DYNC2H1: variants seen among roughly 807,000 people sequenced by gnomAD.
DYNC2H1 encodes the protein dynein cytoplasmic 2 heavy chain 1.
Under a neutral mutation model 570.0 loss-of-function variants are expected in DYNC2H1, and 410 were observed. That is an observed-to-expected ratio of 0.72 (90% confidence interval 0.66 to 0.78). The LOEUF (loss-of-function observed/expected upper bound fraction) is 0.78. Ranked by LOEUF, DYNC2H1 falls within the 30% of genes least tolerant of loss-of-function variation. DYNC2H1 has a pLI of 0.00. For missense variants in DYNC2H1, 4,865 were observed against 5,046.4 expected, an observed-to-expected ratio of 0.96 and a Z score of 1.09; for synonymous variants, 1,688 against 1,677.6, an observed-to-expected ratio of 1.01 and a Z score of -0.15.
intron 81 of DYNC2H1, 92 bp downstream of exon 81, chr11:103,321,329 C>T: frequency 8.6e-7 from 1 of 1,159,632 alleles, no homozygotes; most frequent in Non-Finnish European, 1.3e-6. Flanking sequence ...TTTTCAAATG[C>T]ACAAGTAATT....
chr11:103,287,115 C>G (rs7104199), intron 74 of DYNC2H1, among the ~76,000 whole-genome samples: 25,248 of 152,012 alleles, frequency 0.17, 2,266 homozygotes, highest in Admixed American at 0.25. Context: ...GCACTCCAGC[C>G]TGGGTGACAG....
rs1222780004 is a variant in DYNC2H1, at chr11:103,403,483, TTAC to T, written c.12366+3612_12366+3614del. ...CTTAAAAGGTTAAAGCTAAGTAGCTTTACAGTGATATTATAGTGTGGTTGTGGA... is the reference window on the plus strand; with the variant it reads ...CTTAAAAGGTTAAAGCTAAGTAGCTTAGTGATATTATAGTGTGGTTGTGGA... On this transcript the variant is annotated intron_variant, in intron 84 of 88. Transcript: ENST00000375735. The T allele has an allele frequency of 2.6e-5, 4 of 152,170 alleles. No individual in the cohort carries two copies. The East Asian group carries it at 7.8e-4, about 29-fold the overall frequency. The allele number at this position is 152,170 out of a possible 1,614,324, so 9.4% of individuals were successfully genotyped here.
At chr11:103,336,523 T>C (rs1591596590) in intron 82 of DYNC2H1, among the ~76,000 whole-genome samples, 2 of 152,282 alleles carry the variant, frequency 1.3e-5, no homozygotes, top group East Asian at 3.9e-4. Context: ...AGATCAACTT[T>C]TTTAGCTCCC....
In DYNC2H1 at chr11:103,275,752, C is replaced by G. The variant is rs1436116610; in HGVS notation, c.10696-4596C>G. Among the ~76,000 whole-genome samples the G allele has an allele frequency of 6.6e-6, 1 of 152,086 alleles. No individual in the cohort carries two copies. Among genetic ancestry groups the G allele is most frequent in the South Asian group, 2.1e-4 (1 of 4,800 alleles). Reference sequence around the variant, plus strand: ...TTTATCTGGAGGACCACAGTTTATCCATTCGGCATCTACTGAAGGAAATCT... The same window carrying G: ...TTTATCTGGAGGACCACAGTTTATCGATTCGGCATCTACTGAAGGAAATCT... On this transcript the variant is annotated intron_variant, in intron 70 of 88. Coordinates refer to ENST00000375735, the MANE Select transcript of DYNC2H1 (RefSeq NM_001377.3). The surrounding 1 kb of genome is among the most constrained non-coding windows in gnomAD (Gnocchi z 4.8).
rs564339390 is a variant in DYNC2H1 at position 103,167,591 on chromosome 11, G to A, written c.4763-1164G>A. On this transcript the variant is annotated intron_variant, in intron 31 of 88. Coordinates refer to ENST00000375735, the MANE Select transcript of DYNC2H1 (RefSeq NM_001377.3). ...CAATAATAGTACTTTAAAGTCTTTT[G>A]CAGATAACCTCAACAGGTATGTCAT... Among the ~76,000 whole-genome samples, 126 of 152,138 alleles carry A rather than the reference G, an allele frequency of 8.3e-4. 1 individual carries two copies. The highest frequency in any genetic ancestry group is 6.8e-3 in the Middle Eastern group (2 of 294).
intron 54 of DYNC2H1, among the ~76,000 whole-genome samples, chr11:103,212,472 A>T (rs1863195172): frequency 6.6e-6 from 1 of 152,106 alleles, no homozygotes; most frequent in Admixed American, 6.6e-5. Flanking sequence ...AAGAAAAAAG[A>T]AAACCCTGTT....
intron 75 of DYNC2H1, 105 bp from the exon 76 acceptor site, chr11:103,302,988 C>A: frequency 4.8e-6 from 4 of 834,320 alleles, no homozygotes; most frequent in Non-Finnish European, 6.5e-6. Context: ...TATGAGATTA[C>A]AACTCACCTG....
In DYNC2H1 at chr11:103,369,071, A is replaced by G. The variant is rs1941037034; in HGVS notation, c.12156+10712A>G. Among the ~76,000 whole-genome samples, 1 of 152,114 alleles carries G rather than the reference A, an allele frequency of 6.6e-6. No individual in the cohort carries two copies. Among genetic ancestry groups the G allele is most frequent in the East Asian group, 1.9e-4 (1 of 5,184 alleles). On this transcript the variant is annotated intron_variant, in intron 83 of 88. Transcript: ENST00000375735. The surrounding 1 kb of genome is among the most constrained non-coding windows in gnomAD (Gnocchi z 4.0). ...CTTATTGCTGAAAGAGGCATTGAAG[A>G]GGTAGGAAAAACAGTTTTGAATTGC... is the stretch of plus-strand genomic sequence containing the variant.
intron 13 of DYNC2H1, among the ~76,000 whole-genome samples, chr11:103,132,557 A>G (rs906051734): frequency 2.0e-5 from 3 of 151,702 alleles, no homozygotes; most frequent in Admixed American, 1.3e-4. Context: ...TTTCCCTTAT[A>G]TTCTGGTCAT....
At chr11:103,219,617 A>C (rs558231285) in intron 55 of DYNC2H1, among the ~76,000 whole-genome samples, 86 of 152,316 alleles carry the variant, frequency 5.6e-4, no homozygotes, top group Non-Finnish European at 1.1e-3. Context: ...CATCTCAAAA[A>C]AAATTAAAAA....
At position 103,178,697 on chromosome 11, in the gene DYNC2H1, T is replaced by A. The variant is rs377138004; in HGVS notation, c.6140-329T>A. On this transcript the variant is annotated intron_variant, in intron 38 of 88. Coordinates refer to ENST00000375735, the MANE Select transcript of DYNC2H1 (RefSeq NM_001377.3). ...AACTGGAAATTGGATTTTCTGTAGT[T>A]TCTAAAAGATATACAACAGAGCAAG... Among the ~76,000 whole-genome samples the A allele has an allele frequency of 3.3e-4, 50 of 152,186 alleles. 1 individual carries two copies. The East Asian group carries it at 8.9e-3, about 27-fold the overall frequency.
At chr11:103,198,558 G>T (rs1862591970) in intron 48 of DYNC2H1, among the ~76,000 whole-genome samples, 1 of 152,120 alleles carries the variant, frequency 6.6e-6, no homozygotes, top group African/African-American at 2.4e-5. Context: ...TAATCAAGAA[G>T]AAGAAACAGT....
At chr11:103,242,178 CACATACATACTATGATAT>C in intron 63 of DYNC2H1, among the ~76,000 whole-genome samples, 1 of 152,012 alleles carries the variant, frequency 6.6e-6, no homozygotes, top group Non-Finnish European at 1.5e-5. Flanking sequence ...ATTTTATATA[CACATACATACTATGATAT>C]ACATACATGC....
intron 67 of DYNC2H1, 128 bp downstream of exon 67, chr11:103,255,662 T>TA (rs1378130274): frequency 2.1e-6 from 2 of 946,468 alleles, no homozygotes; most frequent in Non-Finnish European, 2.9e-6. Flanking sequence ...GTGTATATCT[T>TA]ACAGTCAAAA....
rs1215886881 is a variant in DYNC2H1 at position 103,244,519 on chromosome 11, TAATCATTTATGGCTTGCATATATGCA to T, written c.9919-719_9919-694del. Among the ~76,000 whole-genome samples the T allele has an allele frequency of 1.3e-5, 2 of 149,400 alleles. No homozygotes were observed. The highest frequency in any genetic ancestry group is 3.0e-5 in the Non-Finnish European group (2 of 67,336). On this transcript the variant is annotated intron_variant, in intron 64 of 88. Coordinates refer to ENST00000375735, the MANE Select transcript of DYNC2H1 (RefSeq NM_001377.3). This position sits in a 1 kb window ranked among gnomAD's most constrained non-coding sequence, Gnocchi z 4.3. Reference sequence around the variant, plus strand: ...TTAAATAATATATAAAATACTTTAATAATCATTTATGGCTTGCATATATGCAAATCATTTATGGTTTGCAATATTAT... The same window carrying T: ...TTAAATAATATATAAAATACTTTAATAATCATTTATGGTTTGCAATATTAT...
At chr11:103,138,205 T>G (rs1362298190) in intron 17 of DYNC2H1, among the ~76,000 whole-genome samples, 5 of 152,146 alleles carry the variant, frequency 3.3e-5, no homozygotes, top group Non-Finnish European at 7.3e-5. Flanking sequence ...TTTCCCTAAT[T>G]GAATACCCTT....
In DYNC2H1 at chr11:103,333,141, TTC is replaced by T. The variant is rs1409435550; in HGVS notation, c.12039+9153_12039+9154del. On this transcript the variant is annotated intron_variant, in intron 82 of 88. Coordinates refer to ENST00000375735, the MANE Select transcript of DYNC2H1 (RefSeq NM_001377.3). ...TTGAATGTTTACAAGCCAAATAACT[TTC>T]TGTTTATAATTTTAATACATAGCAA... Among the ~76,000 whole-genome samples the T allele has an allele frequency of 4.6e-5, 7 of 152,356 alleles. No homozygotes were observed. In the East Asian group the frequency reaches 5.8e-4, roughly 13 times the overall value.
At chr11:103,200,829 GTTTA>G (rs561351728) in intron 50 of DYNC2H1, among the ~76,000 whole-genome samples, 68 of 152,136 alleles carry the variant, frequency 4.5e-4, no homozygotes, top group Non-Finnish European at 7.5e-4. Flanking sequence ...TTGCTTGTTT[GTTTA>G]TTTATTTATT....
At chr11:103,132,047 T>A (rs1346927608) in intron 13 of DYNC2H1, among the ~76,000 whole-genome samples, 1 of 152,122 alleles carries the variant, frequency 6.6e-6, no homozygotes, top group Non-Finnish European at 1.5e-5. Context: ...TCTCTCTTCT[T>A]CCTTTTAGGA....
Sources: allele counts gnomAD v4.1 joint callset (sites outside exome capture counted in the v4.1 genomes callset), GRCh38; gene constraint gnomAD v4.1.1; non-coding constraint Gnocchi (gnomAD v3.1); transcripts MANE v1.5; gene names NCBI Gene and HGNC (gene_info 2026-07-23, HGNC 2026-07-21).